Variants in NTNG1 observed in about 807,000 individuals in gnomAD.
The protein encoded by NTNG1 is netrin G1, also known as netrin-G1.
Under a neutral mutation model 54.0 loss-of-function variants are expected in NTNG1, and 16 were observed. The ratio of observed to expected loss-of-function variants is 0.30; its 90% CI spans 0.20 to 0.45. The LOEUF is 0.45. Ranked by LOEUF, NTNG1 falls within the 20% of genes least tolerant of loss-of-function variation. NTNG1 has a pLI of 1.00. For missense variants in NTNG1, 530 were observed against 678.7 expected, an observed-to-expected ratio of 0.78 and a Z score of 2.43; for synonymous variants, 255 against 263.1, an observed-to-expected ratio of 0.97 and a Z score of 0.30.
At chr1:107,367,256 T>C (rs6664221) in intron 3 of NTNG1, among the ~76,000 whole-genome samples, 22,260 of 152,132 alleles carry the variant, frequency 0.15, 1,740 homozygotes, top group Middle Eastern at 0.18. Context: ...GTACAGATCT[T>C]AATGTTTGCC....
At chr1:107,253,394 T>A (rs1290895620) in intron 2 of NTNG1, among the ~76,000 whole-genome samples, 2 of 152,236 alleles carry the variant, frequency 1.3e-5, no homozygotes, top group Admixed American at 6.5e-5. Flanking sequence ...GGAATCCAAG[T>A]AAAGAAACAG....
chr1:107,212,184 A>G (rs371326949), intron 2 of NTNG1, among the ~76,000 whole-genome samples: 4 of 152,164 alleles, frequency 2.6e-5, no homozygotes, highest in African/African-American at 7.2e-5. Context: ...TCTCTGTTGT[A>G]GTAGCATCGC....
chr1:107,432,737 A>C (rs1417539115), intron 6 of NTNG1, among the ~76,000 whole-genome samples: 1 of 152,186 alleles, frequency 6.6e-6, no homozygotes, highest in African/African-American at 2.4e-5. Flanking sequence ...ATGTTTTATA[A>C]TATTTAATAT....
At chr1:107,414,237 A>C (rs1247844631) in intron 5 of NTNG1, among the ~76,000 whole-genome samples, 1 of 152,134 alleles carries the variant, frequency 6.6e-6, no homozygotes, top group African/African-American at 2.4e-5. Context: ...CAGAAGAGCA[A>C]AATATTTCCT....
At chr1:107,480,491 C>A in intron 7 of NTNG1, 120 bp from the exon 8 acceptor site, 1 of 647,970 alleles carries the variant, frequency 1.5e-6, no homozygotes, top group Non-Finnish European at 2.7e-6. Context: ...GAGGGGGGAG[C>A]ACAAAGATCG....
intron 2 of NTNG1, among the ~76,000 whole-genome samples, chr1:107,173,911 A>G (rs1656447482): frequency 6.6e-6 from 1 of 152,074 alleles, no homozygotes; most frequent in African/African-American, 2.4e-5. Flanking sequence ...GGTCTTGATT[A>G]ATGAAAGTGT....
chr1:107,385,976 G>C (rs115385670), intron 3 of NTNG1, among the ~76,000 whole-genome samples: 11 of 148,594 alleles, frequency 7.4e-5, no homozygotes, highest in Non-Finnish European at 1.5e-4. Flanking sequence ...TGTGCCCCTC[G>C]TGCCCCTCTC....
At chr1:107,245,874 A>C (rs17018660) in intron 2 of NTNG1, among the ~76,000 whole-genome samples, 1 of 152,232 alleles carries the variant, frequency 6.6e-6, no homozygotes, top group Admixed American at 6.5e-5. Context: ...GTTATAATGA[A>C]TAAACAGCCT....
chr1:107,273,102 G>A (rs956345938), intron 2 of NTNG1, among the ~76,000 whole-genome samples: 23 of 152,110 alleles, frequency 1.5e-4, no homozygotes, highest in Admixed American at 6.5e-4. Context: ...GAAGGCTGTC[G>A]ATTTTTTCTT....
At chr1:107,314,991 T>C (rs141819835) in intron 2 of NTNG1, among the ~76,000 whole-genome samples, 2 of 152,334 alleles carry the variant, frequency 1.3e-5, no homozygotes, top group East Asian at 3.9e-4. Flanking sequence ...TGCTTACTTC[T>C]ATTATGTCTC....
intron 2 of NTNG1, among the ~76,000 whole-genome samples, chr1:107,255,885 A>C (rs1463704526): frequency 6.6e-6 from 1 of 152,164 alleles, no homozygotes; most frequent in African/African-American, 2.4e-5. Context: ...ACTAAAACCT[A>C]TTCTATTAAA....
At chr1:107,192,715 A>G (rs1658053242) in intron 2 of NTNG1, among the ~76,000 whole-genome samples, 1 of 152,094 alleles carries the variant, frequency 6.6e-6, no homozygotes, top group Non-Finnish European at 1.5e-5. Flanking sequence ...ATTCCTGGGT[A>G]ACTAAAATGG....
intron 7 of NTNG1, among the ~76,000 whole-genome samples, chr1:107,473,670 G>T (rs3813218): frequency 0.41 from 62,475 of 152,068 alleles, 13,973 homozygotes; most frequent in Non-Finnish European, 0.5. Flanking sequence ...ATAGATAGAA[G>T]TAAGAGAGGA....
intron 5 of NTNG1, among the ~76,000 whole-genome samples, chr1:107,423,096 C>T (rs1674673367): frequency 6.6e-6 from 1 of 152,062 alleles, no homozygotes; most frequent in Non-Finnish European, 1.5e-5. Context: ...TCTAGAAAGT[C>T]AACTTTGAAC....
chr1:107,417,687 A>G (rs917843088), intron 5 of NTNG1, among the ~76,000 whole-genome samples: 1 of 152,116 alleles, frequency 6.6e-6, no homozygotes, highest in Admixed American at 6.6e-5. Flanking sequence ...GGGTGGTACC[A>G]AAGGACAACA....
chr1:107,318,271 G>A (rs948912889), intron 2 of NTNG1, among the ~76,000 whole-genome samples: 2 of 152,060 alleles, frequency 1.3e-5, no homozygotes, highest in African/African-American at 4.8e-5. Flanking sequence ...CACTCTGGAT[G>A]TTACCCACCC....
At chr1:107,293,591 T>G (rs1665758478) in intron 2 of NTNG1, among the ~76,000 whole-genome samples, 2 of 152,204 alleles carry the variant, frequency 1.3e-5, no homozygotes, top group South Asian at 2.1e-4. Flanking sequence ...AGACTGTTCC[T>G]GGGTCCAAAC....
chr1:107,421,072 A>G (rs1266707511), intron 5 of NTNG1: 2 of 1,596,660 alleles, frequency 1.3e-6, no homozygotes. Flanking sequence ...TCATTCTTTT[A>G]AACCTATCCA....
chr1:107,200,861 A>C (rs1471978328), intron 2 of NTNG1, among the ~76,000 whole-genome samples: 2 of 151,802 alleles, frequency 1.3e-5, no homozygotes, highest in Non-Finnish European at 2.9e-5. Flanking sequence ...CTCAGTAAGT[A>C]TATTTTTCTT....
Sources: gnomAD v4.1 joint callset for allele counts (sites outside exome capture counted in the v4.1 genomes callset) on GRCh38, gnomAD v4.1.1 for gene constraint, MANE v1.5 for transcripts, NCBI Gene and HGNC (gene_info 2026-07-23, HGNC 2026-07-21) for gene names.